Variants in PDE7B observed in about 807,000 individuals in gnomAD.
PDE7B encodes phosphodiesterase 7B, also known as 3',5'-cyclic-AMP phosphodiesterase 7B.
In PDE7B, 29 loss-of-function variants were observed where a neutral mutation model predicts 56.2. The observed-to-expected ratio is 0.52, with a 90% CI of 0.38 to 0.70. PDE7B has a LOEUF of 0.70. PDE7B is among the 30% of genes least tolerant of loss of function. The pLI is 0.00. For synonymous variants in PDE7B, 197 were observed against 196.9 expected (o/e 1.00, Z 0.00); for missense variants, 490 against 565.0 (o/e 0.87, Z 1.35).
chr6:136,073,719 G>A (rs546930760), intron 2 of PDE7B, among the ~76,000 whole-genome samples: 1 of 152,248 alleles, frequency 6.6e-6, no homozygotes, highest in Non-Finnish European at 1.5e-5. Flanking sequence ...TTTGGCAGGG[G>A]ACACACTCTA....
chr6:135,859,655 G>GCCCC (rs1426159197), intron 1 of PDE7B, among the ~76,000 whole-genome samples: 5 of 151,668 alleles, frequency 3.3e-5, no homozygotes, highest in Admixed American at 1.3e-4. Context: ...TGAATATGTT[G>GCCCC]CCCCAAGTGC....
At chr6:136,081,039 A>G (rs1777199143) in intron 2 of PDE7B, among the ~76,000 whole-genome samples, 1 of 152,192 alleles carries the variant, frequency 6.6e-6, no homozygotes, top group African/African-American at 2.4e-5. Context: ...AAACAAATCA[A>G]TGAGGTTGGC....
intron 6 of PDE7B, among the ~76,000 whole-genome samples, chr6:136,153,827 G>T (rs368279853): frequency 6.6e-6 from 1 of 152,104 alleles, no homozygotes; most frequent in Admixed American, 6.6e-5. Context: ...TATGAAGGAG[G>T]TGAGAAATCC....
intron 3 of PDE7B, among the ~76,000 whole-genome samples, chr6:136,131,768 G>T (rs1778123298): frequency 6.6e-6 from 1 of 152,110 alleles, no homozygotes; most frequent in African/African-American, 2.4e-5. Flanking sequence ...TACATTTAGT[G>T]AGAGAAATAG....
intron 3 of PDE7B, among the ~76,000 whole-genome samples, chr6:136,130,904 C>T (rs968969310): frequency 2.6e-5 from 4 of 152,156 alleles, no homozygotes; most frequent in Non-Finnish European, 4.4e-5. Flanking sequence ...CATCAGATCT[C>T]ATGAGACTTA....
intron 2 of PDE7B, among the ~76,000 whole-genome samples, chr6:135,955,612 G>A (rs1465787454): frequency 1.3e-5 from 2 of 152,130 alleles, no homozygotes; most frequent in African/African-American, 4.8e-5. Flanking sequence ...GGAGCTACAA[G>A]GGGAGATACA....
chr6:135,959,340 T>A (rs1014144609), intron 2 of PDE7B, among the ~76,000 whole-genome samples: 1 of 152,200 alleles, frequency 6.6e-6, no homozygotes, highest in African/African-American at 2.4e-5. Flanking sequence ...AGAGTTACTA[T>A]GTCAAGCTGC....
At chr6:135,898,441 A>G (rs1775940106) in intron 1 of PDE7B, among the ~76,000 whole-genome samples, 1 of 152,128 alleles carries the variant, frequency 6.6e-6, no homozygotes, top group South Asian at 2.1e-4. Context: ...AGTGACCTGT[A>G]ATCATGTCCC....
intron 2 of PDE7B, among the ~76,000 whole-genome samples, chr6:136,073,088 A>T (rs1278948651): frequency 6.6e-6 from 1 of 151,952 alleles, no homozygotes; most frequent in Non-Finnish European, 1.5e-5. Context: ...GGGGCTAAGG[A>T]GCATTGATGG....
intron 11 of PDE7B, among the ~76,000 whole-genome samples, chr6:136,184,793 A>G (rs1358695763): frequency 6.6e-6 from 1 of 152,236 alleles, no homozygotes; most frequent in Non-Finnish European, 1.5e-5. Flanking sequence ...CTAAGAAGCA[A>G]CAACTAAGAA....
At chr6:136,176,867 G>A (rs1225820242) in intron 9 of PDE7B, among the ~76,000 whole-genome samples, 1 of 152,024 alleles carries the variant, frequency 6.6e-6, no homozygotes, top group Non-Finnish European at 1.5e-5. Context: ...ATAAAAATGG[G>A]AGAAATAATA....
At chr6:136,118,952 C>T (rs1017120644) in intron 3 of PDE7B, among the ~76,000 whole-genome samples, 3 of 152,068 alleles carry the variant, frequency 2.0e-5, no homozygotes, top group Admixed American at 1.3e-4. Context: ...TGGTGGAAGA[C>T]GCCAAATGAC....
At chr6:136,170,887 A>G (rs1445393152) in intron 8 of PDE7B, among the ~76,000 whole-genome samples, 1 of 152,066 alleles carries the variant, frequency 6.6e-6, no homozygotes, top group Admixed American at 6.6e-5. Context: ...CCACAATCCA[A>G]TCACCTCTTA....
At chr6:136,073,990 G>A (rs576971160) in intron 2 of PDE7B, among the ~76,000 whole-genome samples, 5 of 152,134 alleles carry the variant, frequency 3.3e-5, no homozygotes, top group Non-Finnish European at 7.3e-5. Flanking sequence ...GAGAATTTAT[G>A]CCTATCTCGT....
intron 1 of PDE7B, among the ~76,000 whole-genome samples, chr6:135,866,169 C>T (rs187118440): frequency 8.5e-5 from 13 of 152,204 alleles, no homozygotes; most frequent in Admixed American, 8.5e-4. Flanking sequence ...TCTTCCTCTT[C>T]CTCTCACCAC....
rs994149091 is a variant in PDE7B at position 135,958,420 on chromosome 6, G to T, written c.82+10896G>T. ...TTTTTAATTTTGACCCCAAAACAAT[G>T]TTAGGCTTTCTATTGGAAGGAGTAT... On this transcript the variant is annotated intron_variant, in intron 2 of 12. Transcript: ENST00000308191. 2.0e-5 allele frequency among the ~76,000 whole-genome samples: 3 copies of T among 152,056 alleles called. No individual in the cohort carries two copies. In the South Asian group the frequency reaches 6.2e-4, roughly 32 times the overall value.
At chr6:135,870,197 T>G (rs1013899317) in intron 1 of PDE7B, among the ~76,000 whole-genome samples, 1 of 152,080 alleles carries the variant, frequency 6.6e-6, no homozygotes, top group Non-Finnish European at 1.5e-5. Flanking sequence ...GTGTTCAGAT[T>G]TGGGTATTTA....
At chr6:135,993,123 G>A (rs1436865244) in intron 2 of PDE7B, 1 of 152,092 alleles carries the variant, frequency 6.6e-6, no homozygotes, top group African/African-American at 2.4e-5. Flanking sequence ...TGCTACATTG[G>A]GCCAGGTCAC....
chr6:136,017,317 A>G (rs1234455670), intron 2 of PDE7B, among the ~76,000 whole-genome samples: 1 of 152,222 alleles, frequency 6.6e-6, no homozygotes, highest in Non-Finnish European at 1.5e-5. Flanking sequence ...TAGTGATAAA[A>G]CTAATTTTTT....
Sources: gnomAD v4.1 joint callset for allele counts (sites outside exome capture counted in the v4.1 genomes callset) on GRCh38, gnomAD v4.1.1 for gene constraint, MANE v1.5 for transcripts, NCBI Gene and HGNC (gene_info 2026-07-23, HGNC 2026-07-21) for gene names.